Variants in CAVIN1 observed in about 807,000 individuals in gnomAD.
CAVIN1 encodes caveolae-associated protein 1.
Under a neutral mutation model 24.0 loss-of-function variants are expected in CAVIN1, and 16 were observed. That is an observed-to-expected ratio of 0.67 (90% CI 0.45 to 1.01). The LOEUF (loss-of-function observed/expected upper bound fraction) is 1.01, where lower values mean the gene tolerates loss of function less well. CAVIN1 is among the 50% of genes least tolerant of loss of function. CAVIN1 has a pLI of 0.00. For missense variants in CAVIN1, 510 were observed against 551.7 expected, an observed-to-expected ratio of 0.92 and a Z score of 0.76; for synonymous variants, 256 against 256.4, an observed-to-expected ratio of 1.00 and a Z score of 0.02.
chr17:42,422,143 C>A (rs2085552298), intron 1 of CAVIN1, among the ~76,000 whole-genome samples: 1 of 152,114 alleles, frequency 6.6e-6, no homozygotes, highest in African/African-American at 2.4e-5. Context: ...CTGAATCACC[C>A]GCTATATCAG....
At chr17:42,419,882 CGTGTGTGTGTGT>C (rs5820458) in intron 1 of CAVIN1, among the ~76,000 whole-genome samples, 23 of 143,658 alleles carry the variant, frequency 1.6e-4, no homozygotes, top group Non-Finnish European at 2.6e-4. Context: ...TGCTGAATTT[CGTGTGTGTGTGT>C]GTGTGTGTGT....
chr17:42,411,810 A>G (rs1185033541), intron 1 of CAVIN1: 1 of 985,246 alleles, frequency 1.0e-6, no homozygotes, highest in Non-Finnish European at 1.2e-6. Flanking sequence ...ATTTACTACT[A>G]AAAACAGAAA....
At chr17:42,415,489 G>T (rs2085506440) in intron 1 of CAVIN1, among the ~76,000 whole-genome samples, 1 of 151,662 alleles carries the variant, frequency 6.6e-6, no homozygotes, top group Non-Finnish European at 1.5e-5. Flanking sequence ...GAGGCAGACG[G>T]ATTGCTTGAG....
At chr17:42,421,684 AAGAATGGGG>A (rs1399038132) in intron 1 of CAVIN1, among the ~76,000 whole-genome samples, 20 of 152,112 alleles carry the variant, frequency 1.3e-4, no homozygotes, top group African/African-American at 4.8e-4. Context: ...TCCAAGTGTG[AAGAATGGGG>A]AGAGCTGCAA....
intron 1 of CAVIN1, among the ~76,000 whole-genome samples, chr17:42,419,133 A>G (rs2085529880): frequency 6.6e-6 from 1 of 152,154 alleles, no homozygotes; most frequent in Non-Finnish European, 1.5e-5. Context: ...AGAGTTCGAG[A>G]CTGCAGTAAG....
intron 1 of CAVIN1, chr17:42,411,518 C>G: frequency 1.0e-6 from 1 of 985,294 alleles, no homozygotes. Context: ...TTTGGGCACC[C>G]CACCCAAGGC....
At chr17:42,414,616 C>G (rs1344420425) in intron 1 of CAVIN1, among the ~76,000 whole-genome samples, 1 of 152,090 alleles carries the variant, frequency 6.6e-6, no homozygotes, top group East Asian at 1.9e-4. Flanking sequence ...AACTCTCTCT[C>G]CTGAGGGGCT....
intron 1 of CAVIN1, chr17:42,412,089 C>T: frequency 1.0e-6 from 1 of 985,338 alleles, no homozygotes; most frequent in Non-Finnish European, 1.2e-6. Context: ...TGGGCCGGGG[C>T]CCAGGCTCTG....
intron 1 of CAVIN1, among the ~76,000 whole-genome samples, chr17:42,408,696 G>C (rs1420028362): frequency 6.6e-6 from 1 of 150,452 alleles, no homozygotes; most frequent in East Asian, 2.0e-4. Context: ...TCTCCATGTT[G>C]ATCAGGCTGG....
chr17:42,416,304 G>A (rs2085511121), intron 1 of CAVIN1, among the ~76,000 whole-genome samples: 2 of 152,044 alleles, frequency 1.3e-5, no homozygotes, highest in African/African-American at 4.8e-5. Flanking sequence ...GGAGGTGGAG[G>A]TTACAGTGAG....
rs2085441442 is a variant in CAVIN1 at position 42,405,684 on chromosome 17, T to TG, written c.472-297_472-296insC. 1.9e-4 allele frequency among the ~76,000 whole-genome samples: 7 copies of TG among 37,066 alleles called. No individual in the cohort carries two copies. The South Asian group carries it at 7.9e-3, about 42-fold the overall frequency. The allele number at this position is 37,066 out of a possible 152,430, so 24.3% of individuals were successfully genotyped here. ...ATTCTTTCTCTCTCTCTCTCCTTGT[T>TG]TTTTTTTTTTTTTTTTTTTTTAAAC... On this transcript the variant is annotated intron_variant, in intron 1 of 1. Coordinates refer to ENST00000357037, the MANE Select transcript of CAVIN1 (RefSeq NM_012232.6).
At position 42,404,689 on chromosome 17, in the gene CAVIN1, A is replaced by T; in HGVS notation, c.1171T>A (p.Ter391ArgextTer31). 1.4e-6 allele frequency: 2 copies of T among 1,458,396 alleles called. No homozygotes were observed. The highest frequency in any genetic ancestry group is 1.8e-6 in the Non-Finnish European group (2 of 1,110,850). 90.3% of individuals were successfully genotyped at this position (1,458,396 alleles called of 1,614,324 possible). A position where few individuals can be genotyped will look rare whatever the true frequency, so the allele number is the denominator to read the frequency against. ...GGGTGGGTGGCAGCGGGGGCGGCTCAGTCGCTGTCGCTCTTGTCCACCAGC... is the reference window on the plus strand; with the variant it reads ...GGGTGGGTGGCAGCGGGGGCGGCTCTGTCGCTGTCGCTCTTGTCCACCAGC... ...AVLVDKSDSD* is the reference protein window; with the variant it reads ...AVLVDKSDSDR The change falls in exon 2 of 2, where the codon TGA (stop) becomes AGA (arginine). Residue 391 changes from the stop codon to arginine, a stop_lost. Transcript: ENST00000357037.
rs1384792098 is a variant in CAVIN1, at chr17:42,405,251, C to T, written c.609G>A (p.Ser203=). 1.9e-6 allele frequency: 3 copies of T among 1,613,650 alleles called. No homozygotes were observed. The highest frequency in any genetic ancestry group is 2.5e-6 in the Non-Finnish European group (3 of 1,179,936). Reference sequence around the variant, plus strand: ...CCTCCTCAACCTCCACCGCCTCGTCCGACGAAAGCTCCAGCGCCGCTGCGT... The same window carrying T: ...CCTCCTCAACCTCCACCGCCTCGTCTGACGAAAGCTCCAGCGCCGCTGCGT... ...EEDAAALELS[S]DEAVEVEEVI... The change falls in exon 2 of 2, where the codon TCG becomes TCA. Residue 203 remains serine (S), a synonymous_variant. Transcript: ENST00000357037.
chr17:42,416,542 G>C (rs1042862452), intron 1 of CAVIN1, among the ~76,000 whole-genome samples: 6 of 140,780 alleles, frequency 4.3e-5, no homozygotes, highest in Admixed American at 3.8e-4. Flanking sequence ...AGGCTGCAGT[G>C]AGCTATGATA....
rs112332573 is a variant in CAVIN1 at position 42,404,933 on chromosome 17, C to T, written c.927G>A (p.Ala309=). Residue 309 remains alanine (A), a synonymous_variant, in exon 2 of 2, where the codon GCG becomes GCA. Transcript: ENST00000357037. ...CCTTGTAGACCGCGGTCTTGGAGCG[C>T]GCGTACACCACGTGGTCGGGCGTGA... is the stretch of plus-strand genomic sequence containing the variant. ...KSFTPDHVVY[A]RSKTAVYKVP... 5,117 of 1,614,024 alleles carry T rather than the reference C, an allele frequency of 3.2e-3. 137 individuals carry two copies. The African/African-American group carries it at 0.06, about 19-fold the overall frequency.
At chr17:42,420,138 TC>T (rs1387733703) in intron 1 of CAVIN1, among the ~76,000 whole-genome samples, 1 of 151,834 alleles carries the variant, frequency 6.6e-6, no homozygotes, top group Non-Finnish European at 1.5e-5. Flanking sequence ...GAATACAGCA[TC>T]CCTTCCCCTA....
At chr17:42,406,098 C>G (rs113708980) in intron 1 of CAVIN1, among the ~76,000 whole-genome samples, 5,902 of 152,290 alleles carry the variant, frequency 0.039, 136 homozygotes, top group South Asian at 0.066. Flanking sequence ...AATAATTGCA[C>G]TTGGGCTAAA....
Position 42,403,781 on chromosome 17 carries a change from C to T in CAVIN1, c.*906G>A, listed in dbSNP as rs1129422. 0.14 allele frequency: 21,837 copies of T among 152,372 alleles called. 1,842 individuals carry two copies. The highest frequency in any genetic ancestry group is 0.37 in the East Asian group (1,915 of 5,172). The allele number at this position is 152,372 out of a possible 1,614,324, so 9.4% of individuals were successfully genotyped here. A position where few individuals can be genotyped will look rare whatever the true frequency, so the allele number is the denominator to read the frequency against. ...TAGCTGGGATTACAGGCATGCGCAA[C>T]CATGCCCAGCTAATTTTTGTAATTT... On this transcript the variant is annotated 3_prime_UTR_variant, in exon 2 of 2. Coordinates refer to ENST00000357037, the MANE Select transcript of CAVIN1 (RefSeq NM_012232.6).
At chr17:42,419,882 C>CGTGTGTGTGTGTGT (rs5820458) in intron 1 of CAVIN1, among the ~76,000 whole-genome samples, 146 of 143,752 alleles carry the variant, frequency 1.0e-3, no homozygotes, top group East Asian at 2.4e-3. Context: ...TGCTGAATTT[C>CGTGTGTGTGTGTGT]GTGTGTGTGT....
Sources: allele counts gnomAD v4.1 joint callset (sites outside exome capture counted in the v4.1 genomes callset), GRCh38; gene constraint gnomAD v4.1.1; transcripts MANE v1.5; gene names NCBI Gene and HGNC (gene_info 2026-07-23, HGNC 2026-07-21).